IL16: variants seen among roughly 807,000 people sequenced by gnomAD.
The protein encoded by IL16 is interleukin 16, also known as pro-interleukin-16.
In IL16, 67 loss-of-function variants were observed where a neutral mutation model predicts 110.1. The ratio of observed to expected loss-of-function variants is 0.61; its 90% CI spans 0.50 to 0.75. The LOEUF is 0.75. Ranked by LOEUF, IL16 falls within the 30% of genes least tolerant of loss-of-function variation. The pLI is 0.00. For synonymous variants in IL16, 689 were observed against 662.9 expected, an observed-to-expected ratio of 1.04 and a Z score of -0.61; for missense variants, 1,545 against 1,655.0, an observed-to-expected ratio of 0.93 and a Z score of 1.15.
chr15:81,302,690 T>C (rs998766250), intron 15 of IL16, among the ~76,000 whole-genome samples: 2 of 152,180 alleles, frequency 1.3e-5, no homozygotes, highest in African/African-American at 4.8e-5. Context: ...CAAGAACCTG[T>C]AGGTGTACTT....
intron 2 of IL16, among the ~76,000 whole-genome samples, chr15:81,236,522 G>A (rs923554921): frequency 2.6e-5 from 4 of 152,206 alleles, no homozygotes; most frequent in Non-Finnish European, 5.9e-5. Context: ...CCAATTCAAT[G>A]TGATTTCTAG....
intron 1 of IL16, among the ~76,000 whole-genome samples, chr15:81,206,236 C>T (rs1896013527): frequency 6.8e-6 from 1 of 145,996 alleles, no homozygotes; most frequent in Admixed American, 6.6e-5. Context: ...GGTACTTAAA[C>T]AGACCTGGAT....
At chr15:81,217,492 G>A (rs1282464275) in intron 1 of IL16, among the ~76,000 whole-genome samples, 1 of 152,158 alleles carries the variant, frequency 6.6e-6, no homozygotes, top group Non-Finnish European at 1.5e-5. Flanking sequence ...AGGACTAGGT[G>A]TACTTTAAAC....
intron 1 of IL16, among the ~76,000 whole-genome samples, chr15:81,203,304 G>C (rs1028075262): frequency 6.6e-6 from 1 of 152,104 alleles, no homozygotes; most frequent in Admixed American, 6.6e-5. Flanking sequence ...TTCTTTTGCT[G>C]TGCAGAAGCT....
intron 1 of IL16, among the ~76,000 whole-genome samples, chr15:81,184,199 G>A (rs1054386094): frequency 3.3e-5 from 5 of 152,220 alleles, no homozygotes; most frequent in Non-Finnish European, 5.9e-5. Flanking sequence ...TAGGTGCTCC[G>A]TGTTTGGTGA....
At chr15:81,255,251 T>C (rs1168376353) in intron 2 of IL16, among the ~76,000 whole-genome samples, 2 of 152,212 alleles carry the variant, frequency 1.3e-5, no homozygotes, top group Non-Finnish European at 2.9e-5. Flanking sequence ...AAATTGCTAC[T>C]TAGACCTCAA....
At chr15:81,243,672 G>T (rs1897430579) in intron 2 of IL16, among the ~76,000 whole-genome samples, 1 of 152,144 alleles carries the variant, frequency 6.6e-6, no homozygotes, top group Non-Finnish European at 1.5e-5. Context: ...CTTCAGTAAA[G>T]CCATCTGACC....
At chr15:81,298,258 T>C (rs913449344) in intron 13 of IL16, among the ~76,000 whole-genome samples, 8 of 152,226 alleles carry the variant, frequency 5.3e-5, no homozygotes, top group Non-Finnish European at 4.4e-5. Flanking sequence ...TAATGCTCCA[T>C]GATTCACTTC....
At position 81,279,710 on chromosome 15, in the gene IL16, C is replaced by T; in HGVS notation, c.1017C>T (p.Pro339=). The stretch of plus-strand genomic sequence containing the variant: ...GCAGCTCCTTCGCCTTGGAAAGCCC[C>T]TCGGCTCCCATCAGCACCGCCAAGC... The part of the protein sequence containing the change: ...KDSSSFALES[P]SAPISTAKPN... The change falls in exon 8 of 19, where the codon CCC becomes CCT. Residue 339 remains proline, a synonymous_variant. Coordinates refer to ENST00000683961, the MANE Select transcript of IL16 (RefSeq NM_172217.5). The T allele has an allele frequency of 3.1e-6, 5 of 1,614,234 alleles. No homozygotes were observed. The highest frequency in any genetic ancestry group is 4.2e-6 in the Non-Finnish European group (5 of 1,180,046).
intron 6 of IL16, among the ~76,000 whole-genome samples, chr15:81,275,268 T>C (rs1043939097): frequency 2.5e-4 from 37 of 149,802 alleles, no homozygotes; most frequent in African/African-American, 8.6e-4. Context: ...CCGTTCTCTC[T>C]CCGTTCAGGG....
intron 6 of IL16, among the ~76,000 whole-genome samples, chr15:81,277,598 T>C (rs11638043): frequency 0.25 from 38,109 of 151,874 alleles, 5,425 homozygotes; most frequent in African/African-American, 0.38. Flanking sequence ...TGCATGCCAC[T>C]ACATCCAGCT....
chr15:81,277,329 G>T (rs1195716616), intron 6 of IL16, among the ~76,000 whole-genome samples: 1 of 152,156 alleles, frequency 6.6e-6, no homozygotes, highest in African/African-American at 2.4e-5. Flanking sequence ...TAATTTTCAA[G>T]AACTGACTTA....
At chr15:81,226,871 T>G (rs1332794101) in intron 2 of IL16, among the ~76,000 whole-genome samples, 2 of 152,184 alleles carry the variant, frequency 1.3e-5, no homozygotes, top group South Asian at 2.1e-4. Flanking sequence ...AATTTATTAG[T>G]GACATTATGA....
intron 12 of IL16, among the ~76,000 whole-genome samples, chr15:81,296,081 T>C (rs1348736637): frequency 6.6e-6 from 1 of 152,240 alleles, no homozygotes; most frequent in Non-Finnish European, 1.5e-5. Flanking sequence ...GGTTGGGCTA[T>C]GTCTCTGGAA....
intron 1 of IL16, among the ~76,000 whole-genome samples, chr15:81,210,703 A>G (rs964494545): frequency 6.6e-6 from 1 of 152,236 alleles, no homozygotes; most frequent in Non-Finnish European, 1.5e-5. Context: ...TTGTATCCTG[A>G]AACCTTGCTA....
chr15:81,268,189 G>A (rs184779894), intron 4 of IL16, among the ~76,000 whole-genome samples: 2 of 152,310 alleles, frequency 1.3e-5, no homozygotes, highest in South Asian at 2.1e-4. Context: ...TGGAGAGAGC[G>A]GCCCATCAGG....
At chr15:81,281,717 C>T (rs1899189301) in intron 8 of IL16, among the ~76,000 whole-genome samples, 1 of 152,170 alleles carries the variant, frequency 6.6e-6, no homozygotes, top group African/African-American at 2.4e-5. Context: ...ACCATCTGCC[C>T]AGTTACTCAA....
intron 3 of IL16, among the ~76,000 whole-genome samples, chr15:81,264,900 G>C (rs1898305659): frequency 6.6e-6 from 1 of 152,134 alleles, no homozygotes. Context: ...AATCTCTCCT[G>C]TTTCTTTTCA....
intron 9 of IL16, among the ~76,000 whole-genome samples, chr15:81,284,062 T>G (rs1360508614): frequency 6.6e-6 from 1 of 151,916 alleles, no homozygotes; most frequent in Non-Finnish European, 1.5e-5. Flanking sequence ...TACAGGTTCT[T>G]TCTCCCATAA....
Sources: allele counts gnomAD v4.1 joint callset (sites outside exome capture counted in the v4.1 genomes callset), GRCh38; gene constraint gnomAD v4.1.1; transcripts MANE v1.5; gene names NCBI Gene and HGNC (gene_info 2026-07-23, HGNC 2026-07-21).